The following DOCK3 variants were observed in gnomAD, a reference collection of about 807,000 sequenced individuals.
DOCK3 encodes dedicator of cytokinesis 3, also known as dedicator of cytokinesis protein 3.
Under a neutral mutation model 265.6 loss-of-function variants are expected in DOCK3, and 60 were observed. That is an observed-to-expected ratio of 0.23 (90% confidence interval 0.18 to 0.28). The LOEUF is 0.28. Among genes scored for constraint, DOCK3 ranks in the 10% least tolerant of loss-of-function variants. The pLI is 1.00. For synonymous variants in DOCK3, 881 were observed against 938.0 expected, an observed-to-expected ratio of 0.94 and a Z score of 1.11; for missense variants, 1,981 against 2,594.3, an observed-to-expected ratio of 0.76 and a Z score of 5.14.
chr3:51,183,016 A>G (rs1182443155), intron 12 of DOCK3, among the ~76,000 whole-genome samples: 1 of 152,170 alleles, frequency 6.6e-6, no homozygotes, highest in African/African-American at 2.4e-5. Context: ...TGGTTTCCTC[A>G]TTGACATCTG....
At chr3:50,925,752 AG>A (rs1250452387) in intron 4 of DOCK3, among the ~76,000 whole-genome samples, 3 of 149,584 alleles carry the variant, frequency 2.0e-5, no homozygotes, top group African/African-American at 7.4e-5. Context: ...TGGTTGGGTG[AG>A]TGATGGCGGT....
intron 22 of DOCK3, among the ~76,000 whole-genome samples, chr3:51,248,849 C>G (rs1351098255): frequency 6.7e-6 from 1 of 149,742 alleles, no homozygotes; most frequent in African/African-American, 2.5e-5. Context: ...CCCGCCGCCC[C>G]GTCTGGGATG....
intron 7 of DOCK3, among the ~76,000 whole-genome samples, chr3:51,080,053 A>C (rs1470385379): frequency 6.6e-6 from 1 of 152,248 alleles, no homozygotes; most frequent in African/African-American, 2.4e-5. Context: ...TTTACTAAAA[A>C]TCAGTAATTG....
At chr3:50,778,616 T>A in intron 1 of DOCK3, 59 bp from the exon 2 acceptor site, 1 of 1,315,160 alleles carries the variant, frequency 7.6e-7, no homozygotes, top group Non-Finnish European at 1.1e-6. Flanking sequence ...ATTCAGTGAC[T>A]CTGACCATGT....
chr3:51,015,493 A>G (rs2079114508), intron 5 of DOCK3, among the ~76,000 whole-genome samples: 1 of 150,346 alleles, frequency 6.7e-6, no homozygotes, highest in Non-Finnish European at 1.5e-5. Flanking sequence ...TGGTCATGAC[A>G]AATGGTCTTT....
intron 32 of DOCK3, among the ~76,000 whole-genome samples, chr3:51,319,552 A>G (rs1189732925): frequency 1.3e-5 from 2 of 152,162 alleles, no homozygotes; most frequent in African/African-American, 2.4e-5. Flanking sequence ...AACAATATTT[A>G]TTTATTGTAG....
At chr3:50,741,779 G>T (rs929466546) in intron 1 of DOCK3, among the ~76,000 whole-genome samples, 3 of 151,888 alleles carry the variant, frequency 2.0e-5, no homozygotes, top group African/African-American at 7.3e-5. Context: ...TAGTCCTTTG[G>T]GTATATACCC....
intron 5 of DOCK3, among the ~76,000 whole-genome samples, chr3:50,966,366 A>AT (rs1392309588): frequency 6.6e-6 from 1 of 151,688 alleles, no homozygotes; most frequent in African/African-American, 2.4e-5. Context: ...TTCTGTTTTA[A>AT]TTTTTTTGAG....
intron 5 of DOCK3, among the ~76,000 whole-genome samples, chr3:51,041,190 ATATATATATATATATTTTTTTTTTTTTT>A (rs1366730055): frequency 1.1e-3 from 16 of 14,398 alleles, no homozygotes; most frequent in Non-Finnish European, 1.8e-3. Flanking sequence ...ATATATATAT[ATATATATATATATATTTTTTTTTTTTTT>A]TTTTTTTTTT....
At chr3:51,344,176 GA>G (rs1378074048) in intron 38 of DOCK3, among the ~76,000 whole-genome samples, 12 of 152,176 alleles carry the variant, frequency 7.9e-5, no homozygotes, top group African/African-American at 2.7e-4. Context: ...TCATTTGAAG[GA>G]ATGACTGTTA....
intron 24 of DOCK3, 90 bp from the exon 25 acceptor site, chr3:51,274,989 G>A: frequency 1.9e-6 from 3 of 1,545,912 alleles, no homozygotes; most frequent in Non-Finnish European, 1.8e-6. Flanking sequence ...CACCTGCTTT[G>A]AGAATAGCTA....
intron 14 of DOCK3, among the ~76,000 whole-genome samples, chr3:51,220,640 G>A (rs1477396699): frequency 9.0e-6 from 1 of 111,354 alleles, no homozygotes; most frequent in East Asian, 2.7e-4. Context: ...CTTGGCAACA[G>A]AGCAAGACTC....
intron 2 of DOCK3, chr3:50,787,033 A>C: frequency 1.4e-6 from 1 of 740,264 alleles, no homozygotes; most frequent in South Asian, 1.3e-5. Context: ...TTTCACAGGA[A>C]AATTTCTTTT....
rs140490606 is a variant in DOCK3 at position 50,710,270 on chromosome 3, A to G, written c.37+34970A>G. Reference sequence around the variant, plus strand: ...GAAAATCTTTGCAAACTATGCATTCAACAAAGGACTAATATCCAGAATCTA... The same window carrying G: ...GAAAATCTTTGCAAACTATGCATTCGACAAAGGACTAATATCCAGAATCTA... On this transcript the variant is annotated intron_variant, in intron 1 of 52. Coordinates refer to ENST00000266037, the MANE Select transcript of DOCK3 (RefSeq NM_004947.5). Among the ~76,000 whole-genome samples the G allele has an allele frequency of 3.5e-4, 53 of 152,198 alleles. No homozygotes were observed. The East Asian group carries it at 8.3e-3, about 24-fold the overall frequency.
intron 2 of DOCK3, among the ~76,000 whole-genome samples, chr3:50,813,475 G>A (rs2043882055): frequency 6.6e-6 from 1 of 152,150 alleles, no homozygotes; most frequent in Non-Finnish European, 1.5e-5. Flanking sequence ...GGTGCAGTGA[G>A]CTGTGATCAT....
rs371863763 is a variant in DOCK3 at position 50,742,194 on chromosome 3, G to A, written c.38-36481G>A. Among the ~76,000 whole-genome samples the A allele has an allele frequency of 1.5e-3, 222 of 152,220 alleles. 6 individuals carry two copies. In the East Asian group the frequency reaches 0.04, roughly 28 times the overall value. On this transcript the variant is annotated intron_variant, in intron 1 of 52. Coordinates refer to ENST00000266037, the MANE Select transcript of DOCK3 (RefSeq NM_004947.5). ...GGACATCCACACCAAAAACCGATCT[G>A]TACATCACCATCATCAAAGACCAAA...
At chr3:51,212,400 G>A (rs2089560310) in intron 13 of DOCK3, among the ~76,000 whole-genome samples, 1 of 149,936 alleles carries the variant, frequency 6.7e-6, no homozygotes, top group African/African-American at 2.5e-5. Context: ...TTAAACCCTT[G>A]CCAATGCAGA....
Position 51,250,447 on chromosome 3 carries a change from C to T in DOCK3, c.2184+3640C>T, listed in dbSNP as rs548418428. Among the ~76,000 whole-genome samples, 4 of 152,136 alleles carry T rather than the reference C, an allele frequency of 2.6e-5. 1 individual carries two copies. The highest frequency in any genetic ancestry group is 9.6e-5 in the African/African-American group (4 of 41,522). Reference sequence around the variant, plus strand: ...CAGCCTGGCCAACATGATGAAACCCCATCTCTACTGAAAATACATAAATTA... The same window carrying T: ...CAGCCTGGCCAACATGATGAAACCCTATCTCTACTGAAAATACATAAATTA... On this transcript the variant is annotated intron_variant, in intron 22 of 52. Coordinates refer to ENST00000266037, the MANE Select transcript of DOCK3 (RefSeq NM_004947.5).
intron 2 of DOCK3, among the ~76,000 whole-genome samples, chr3:50,832,275 G>T (rs1032973167): frequency 6.6e-6 from 1 of 152,124 alleles, no homozygotes; most frequent in African/African-American, 2.4e-5. Flanking sequence ...GAAAACCTAG[G>T]TAGTACCATT....
Sources: allele counts gnomAD v4.1 joint callset (sites outside exome capture counted in the v4.1 genomes callset), GRCh38; gene constraint gnomAD v4.1.1; transcripts MANE v1.5; gene names NCBI Gene and HGNC (gene_info 2026-07-23, HGNC 2026-07-21).